Variants in UNC5C observed in about 807,000 individuals in gnomAD.
UNC5C encodes netrin receptor UNC5C.
Under a neutral mutation model 99.8 loss-of-function variants are expected in UNC5C, and 47 were observed. That is an observed-to-expected ratio of 0.47 (90% confidence interval 0.37 to 0.60). The LOEUF is 0.60. Ranked by LOEUF, UNC5C falls within the 20% of genes least tolerant of loss-of-function variation. The pLI is 0.00. For missense variants in UNC5C, 1,062 were observed against 1,165.9 expected (o/e 0.91, Z 1.30); for synonymous variants, 487 against 452.2 (o/e 1.08, Z -0.98).
At chr4:95,326,734 A>T (rs58643517) in intron 2 of UNC5C, among the ~76,000 whole-genome samples, 1,972 of 152,322 alleles carry the variant, frequency 0.013, 43 homozygotes, top group African/African-American at 0.044. Context: ...ATACTCAGTG[A>T]GTAGAAATAA....
In UNC5C at chr4:95,399,910, A is replaced by G. The variant is rs571564567; in HGVS notation, c.125-64279T>C. Among the ~76,000 whole-genome samples, 4 of 152,296 alleles carry G rather than the reference A, an allele frequency of 2.6e-5. No homozygotes were observed. The South Asian group carries it at 8.3e-4, about 32-fold the overall frequency. ...TCATGTTAGTCTTCCCCATTAGACT[A>G]TGCTTTACAGCTATAGGGACTGCAT... On this transcript the variant is annotated intron_variant, in intron 1 of 15. Coordinates refer to ENST00000453304, the MANE Select transcript of UNC5C (RefSeq NM_003728.4).
intron 12 of UNC5C, among the ~76,000 whole-genome samples, chr4:95,189,524 A>G (rs989489514): frequency 1.3e-5 from 2 of 152,222 alleles, no homozygotes; most frequent in Non-Finnish European, 2.9e-5. Context: ...TCTGCACAGC[A>G]AAAGAAACTA....
intron 1 of UNC5C, among the ~76,000 whole-genome samples, chr4:95,507,544 A>T (rs575153508): frequency 6.6e-6 from 1 of 152,050 alleles, no homozygotes; most frequent in Admixed American, 6.6e-5. Context: ...TTCTTCCTCT[A>T]CACACTTGTA....
intron 1 of UNC5C, among the ~76,000 whole-genome samples, chr4:95,495,037 T>C (rs901444038): frequency 6.6e-5 from 10 of 151,560 alleles, no homozygotes; most frequent in African/African-American, 2.4e-4. Flanking sequence ...TGAATCAATA[T>C]AGGCATTTCT....
intron 1 of UNC5C, among the ~76,000 whole-genome samples, chr4:95,437,010 A>C (rs1746815217): frequency 6.6e-6 from 1 of 151,328 alleles, no homozygotes. Context: ...AAAAAAAAAA[A>C]AACAGAGACA....
At chr4:95,490,543 A>G (rs558349080) in intron 1 of UNC5C, among the ~76,000 whole-genome samples, 3 of 151,890 alleles carry the variant, frequency 2.0e-5, no homozygotes, top group African/African-American at 7.2e-5. Flanking sequence ...ATTCATCTGC[A>G]TTTTAGTGAG....
chr4:95,452,639 T>C (rs1186312250), intron 1 of UNC5C, among the ~76,000 whole-genome samples: 5 of 152,074 alleles, frequency 3.3e-5, no homozygotes, highest in African/African-American at 1.2e-4. Context: ...ACAAATCAAA[T>C]AGGTAGCACT....
At chr4:95,324,833 G>A (rs1419050829) in intron 2 of UNC5C, among the ~76,000 whole-genome samples, 1 of 152,134 alleles carries the variant, frequency 6.6e-6, no homozygotes, top group Non-Finnish European at 1.5e-5. Flanking sequence ...GAATCTGCTG[G>A]ATCTTGGATT....
intron 4 of UNC5C, among the ~76,000 whole-genome samples, chr4:95,266,182 C>T (rs1740441047): frequency 6.6e-6 from 1 of 152,194 alleles, no homozygotes; most frequent in South Asian, 2.1e-4. Context: ...AGTCTTCATA[C>T]ATAAAACACT....
intron 7 of UNC5C, among the ~76,000 whole-genome samples, chr4:95,236,133 A>T (rs1317805579): frequency 2.0e-5 from 3 of 152,224 alleles, no homozygotes; most frequent in African/African-American, 7.2e-5. Flanking sequence ...ACACATGCAC[A>T]TATATGTTTA....
chr4:95,417,297 G>GT (rs1746196126), intron 1 of UNC5C, among the ~76,000 whole-genome samples: 1 of 152,144 alleles, frequency 6.6e-6, no homozygotes, highest in Non-Finnish European at 1.5e-5. Context: ...TATTAGCCCC[G>GT]TAAGTCCTGA....
intron 1 of UNC5C, among the ~76,000 whole-genome samples, chr4:95,502,989 C>T (rs1219974311): frequency 1.3e-5 from 2 of 152,096 alleles, no homozygotes; most frequent in Admixed American, 1.3e-4. Context: ...TATTTATATT[C>T]ACTAAGTGTA....
chr4:95,220,357 T>C (rs1738426964), intron 7 of UNC5C, among the ~76,000 whole-genome samples, 181 bp from the exon 8 acceptor site: 1 of 152,230 alleles, frequency 6.6e-6, no homozygotes, highest in Non-Finnish European at 1.5e-5. Flanking sequence ...TGATTTCTTT[T>C]CCTTTCTCAC....
chr4:95,219,614 G>C (rs977894217), intron 8 of UNC5C, among the ~76,000 whole-genome samples: 1 of 152,108 alleles, frequency 6.6e-6, no homozygotes, highest in Non-Finnish European at 1.5e-5. Flanking sequence ...GTGACGATTA[G>C]CTATGGTTTC....
At position 95,487,041 on chromosome 4, in the gene UNC5C, A is replaced by C. The variant is rs2149480065; in HGVS notation, c.124+61693T>G. On this transcript the variant is annotated intron_variant, in intron 1 of 15. Coordinates refer to ENST00000453304, the MANE Select transcript of UNC5C (RefSeq NM_003728.4). ...GCCTTTTCCCATGGAATGATGCAGC[A>C]AGAAGGCCCTCATCAGATGCTGGCC... Among the ~76,000 whole-genome samples, 3 of 151,828 alleles carry C rather than the reference A, an allele frequency of 2.0e-5. No individual in the cohort carries two copies. The Middle Eastern group carries it at 0.01, about 516-fold the overall frequency.
At chr4:95,405,441 CAGTT>C (rs1324398927) in intron 1 of UNC5C, among the ~76,000 whole-genome samples, 1 of 152,186 alleles carries the variant, frequency 6.6e-6, no homozygotes, top group African/African-American at 2.4e-5. Context: ...CTCTATGAGA[CAGTT>C]AGTCTGTTAT....
chr4:95,218,212 GA>G (rs1738332964), intron 9 of UNC5C, among the ~76,000 whole-genome samples: 1 of 152,146 alleles, frequency 6.6e-6, no homozygotes, highest in Non-Finnish European at 1.5e-5. Context: ...ATTTAGAGAG[GA>G]AGCCATTAAC....
intron 6 of UNC5C, among the ~76,000 whole-genome samples, chr4:95,244,182 T>C (rs1313059561): frequency 6.6e-6 from 1 of 152,186 alleles, no homozygotes; most frequent in Non-Finnish European, 1.5e-5. Flanking sequence ...GAAAACACAA[T>C]AGCTACTCCA....
chr4:95,288,496 G>T (rs765322169), intron 3 of UNC5C, among the ~76,000 whole-genome samples: 2 of 152,206 alleles, frequency 1.3e-5, no homozygotes, highest in Non-Finnish European at 2.9e-5. Context: ...TGGATGCCGC[G>T]TAGCAGCTGT....
Sources: allele counts gnomAD v4.1 joint callset (sites outside exome capture counted in the v4.1 genomes callset), GRCh38; gene constraint gnomAD v4.1.1; transcripts MANE v1.5; gene names NCBI Gene and HGNC (gene_info 2026-07-23, HGNC 2026-07-21).